Variants in GNG2 observed in about 807,000 individuals in gnomAD.
The protein encoded by GNG2 is guanine nucleotide-binding protein G(I)/G(S)/G(O) subunit gamma-2.
In GNG2, 5 loss-of-function variants were observed where a neutral mutation model predicts 5.5. The observed-to-expected ratio is 0.91, with a 90% CI of 0.48 to 1.92. The LOEUF is 1.92. Ranked by LOEUF, GNG2 falls within the 30% of genes most tolerant of loss-of-function variation. The probability of loss-of-function intolerance (pLI) is 0.01; values close to 1 mark genes in which losing one functional copy is unlikely to be tolerated. For synonymous variants in GNG2, 28 were observed against 32.0 expected (o/e 0.88, Z 0.42); for missense variants, 55 against 88.4 (o/e 0.62, Z 1.52).
chr14:51,925,899 G>A (rs1213637593), intron 2 of GNG2, among the ~76,000 whole-genome samples: 5 of 152,132 alleles, frequency 3.3e-5, no homozygotes, highest in African/African-American at 1.2e-4. Flanking sequence ...TAGGATTACA[G>A]GTGTGAGCCA....
intron 3 of GNG2, among the ~76,000 whole-genome samples, chr14:51,962,254 A>G (rs1306978695): frequency 1.3e-5 from 2 of 152,162 alleles, no homozygotes; most frequent in Non-Finnish European, 2.9e-5. Context: ...GTAGTTATAC[A>G]TAGGTACTCC....
chr14:51,950,583 G>A (rs998179141), intron 2 of GNG2, 67 bp from the exon 3 acceptor site: 13 of 974,730 alleles, frequency 1.3e-5, no homozygotes, highest in Admixed American at 4.3e-5. Context: ...CCCTAGTTAC[G>A]ATGAACTTGC....
chr14:51,932,615 C>A (rs935487060), intron 2 of GNG2, among the ~76,000 whole-genome samples: 2 of 152,190 alleles, frequency 1.3e-5, no homozygotes, highest in Admixed American at 1.3e-4. Flanking sequence ...CAGAGGGAGA[C>A]TCTGTCTCTA....
intron 2 of GNG2, among the ~76,000 whole-genome samples, chr14:51,843,718 A>C (rs2790502): frequency 0.25 from 37,673 of 152,038 alleles, 5,073 homozygotes; most frequent in East Asian, 0.42. Context: ...CCTCTTGACT[A>C]ACAGTTTTAA....
intron 2 of GNG2, among the ~76,000 whole-genome samples, chr14:51,846,209 C>T (rs979253705): frequency 1.3e-5 from 2 of 152,116 alleles, no homozygotes; most frequent in Non-Finnish European, 2.9e-5. Context: ...CATGAAAAAT[C>T]AAGGAGGTGA....
rs185499412 is a variant in GNG2 at position 51,891,430 on chromosome 14, A to C, written c.-30+13773A>C. Reference sequence around the variant, plus strand: ...TGTATGTGTGTATATGTAAAATATCACACATCAAAATAATGAATACATGTG... The same window carrying C: ...TGTATGTGTGTATATGTAAAATATCCCACATCAAAATAATGAATACATGTG... On this transcript the variant is annotated intron_variant, in intron 2 of 3. Coordinates refer to ENST00000556766, the MANE Select transcript of GNG2 (RefSeq NM_053064.5). Among the ~76,000 whole-genome samples, 410 of 152,338 alleles carry C rather than the reference A, an allele frequency of 2.7e-3. 2 individuals carry two copies. The highest frequency in any genetic ancestry group is 9.5e-3 in the African/African-American group (394 of 41,578).
chr14:51,929,393 C>G (rs539401376), intron 2 of GNG2, among the ~76,000 whole-genome samples: 11 of 152,126 alleles, frequency 7.2e-5, no homozygotes, highest in African/African-American at 1.7e-4. Context: ...GAAAAGAATG[C>G]GAGGATGCTG....
chr14:51,957,339 G>A (rs752596506), intron 3 of GNG2, among the ~76,000 whole-genome samples: 3 of 151,722 alleles, frequency 2.0e-5, no homozygotes. Context: ...TTCTAGCAAC[G>A]GCCTCAATTG....
intron 2 of GNG2, among the ~76,000 whole-genome samples, chr14:51,882,080 CT>C (rs1884116167): frequency 6.6e-6 from 1 of 152,042 alleles, no homozygotes; most frequent in South Asian, 2.1e-4. Context: ...TTCTTTTATT[CT>C]TTTTCAAAGA....
Position 51,875,947 on chromosome 14 carries a change from C to CTTTTCTTTTTTTT in GNG2, c.-70-1666_-70-1665insCTTTTTTTTTTTT, listed in dbSNP as rs1883630044. ...TTTTTCATCATTTAAACATTTTTTTCTTTTTTCCGAGACAGACTCTCACTC... is the reference window on the plus strand; with the variant it reads ...TTTTTCATCATTTAAACATTTTTTTCTTTTCTTTTTTTTTTTTTTCCGAGACAGACTCTCACTC... On this transcript the variant is annotated intron_variant, in intron 1 of 3. Transcript: ENST00000556766. 1.4e-5 allele frequency among the ~76,000 whole-genome samples: 2 copies of CTTTTCTTTTTTTT among 141,126 alleles called. 1 individual carries two copies. The highest frequency in any genetic ancestry group is 4.0e-4 in the East Asian group (2 of 4,968). The allele number at this position is 141,126 out of a possible 152,430, so 92.6% of individuals were successfully genotyped here.
At chr14:51,878,240 C>T (rs1883807231) in intron 2 of GNG2, among the ~76,000 whole-genome samples, 1 of 152,164 alleles carries the variant, frequency 6.6e-6, no homozygotes, top group Admixed American at 6.5e-5. Flanking sequence ...CGTGTTTGCC[C>T]ACTCCAAGAT....
In GNG2 at chr14:51,899,294, C is replaced by T. The variant is rs140820979; in HGVS notation, c.-30+21637C>T. ...GGTTCCAGCCACTCTCTAACTGATG[C>T]CACAGTCTCTGAGCCAGCCCTACTC... On this transcript the variant is annotated intron_variant, in intron 2 of 3. Coordinates refer to ENST00000556766, the MANE Select transcript of GNG2 (RefSeq NM_053064.5). Among the ~76,000 whole-genome samples, 445 of 152,296 alleles carry T rather than the reference C, an allele frequency of 2.9e-3. 2 individuals carry two copies. The highest frequency in any genetic ancestry group is 4.5e-3 in the Non-Finnish European group (304 of 68,020).
chr14:51,931,898 C>A (rs1363844414), intron 2 of GNG2, among the ~76,000 whole-genome samples: 1 of 152,166 alleles, frequency 6.6e-6, no homozygotes, highest in Non-Finnish European at 1.5e-5. Context: ...CACGGCACCA[C>A]TGTTCACTAT....
chr14:51,905,325 TG>T lies in GNG2; in HGVS notation c.-30+27670del, dbSNP rs1193154908. On this transcript the variant is annotated intron_variant, in intron 2 of 3. Coordinates refer to ENST00000556766, the MANE Select transcript of GNG2 (RefSeq NM_053064.5). ...TTACGTTTTTATTGTGAGATAGCTG[TG>T]GTTTTCAATCTTTAAGGGGGTTTAT... Among the ~76,000 whole-genome samples the T allele has an allele frequency of 2.6e-5, 4 of 152,242 alleles. No individual in the cohort carries two copies. In the East Asian group the frequency reaches 7.7e-4, roughly 29 times the overall value.
intron 2 of GNG2, among the ~76,000 whole-genome samples, chr14:51,830,557 A>G (rs1010747223): frequency 8.5e-5 from 13 of 152,200 alleles, no homozygotes; most frequent in African/African-American, 3.1e-4. Flanking sequence ...AAAATGCTCT[A>G]TATCCTTCTA....
intron 2 of GNG2, among the ~76,000 whole-genome samples, chr14:51,937,967 G>A (rs952871257): frequency 4.6e-5 from 7 of 152,152 alleles, no homozygotes; most frequent in African/African-American, 7.2e-5. Context: ...AAGCCTTAAC[G>A]AACAACGAAA....
chr14:51,867,161 A>G (rs186344166), intron 1 of GNG2, among the ~76,000 whole-genome samples: 24 of 152,292 alleles, frequency 1.6e-4, no homozygotes, highest in Admixed American at 1.4e-3. Context: ...CTGCTCCCCA[A>G]ATATGAGTGT....
chr14:51,958,163 C>T (rs901976287), intron 3 of GNG2, among the ~76,000 whole-genome samples: 8 of 152,272 alleles, frequency 5.3e-5, no homozygotes, highest in African/African-American at 7.2e-5. Flanking sequence ...GTGGTTATTG[C>T]GTCCTTTTGG....
intron 2 of GNG2, among the ~76,000 whole-genome samples, chr14:51,911,745 A>C (rs1555353914): frequency 6.9e-6 from 1 of 145,052 alleles, no homozygotes; most frequent in Non-Finnish European, 1.5e-5. Context: ...ACAGGGTCTC[A>C]CTATATTTCC....
Sources: allele counts gnomAD v4.1 joint callset (sites outside exome capture counted in the v4.1 genomes callset), GRCh38; gene constraint gnomAD v4.1.1; transcripts MANE v1.5; gene names NCBI Gene and HGNC (gene_info 2026-07-23, HGNC 2026-07-21).